The following ITGA1 variants were observed in gnomAD, a reference collection of about 807,000 sequenced individuals.
The protein encoded by ITGA1 is integrin alpha-1.
In ITGA1, 85 loss-of-function variants were observed where a neutral mutation model predicts 145.9. The ratio of observed to expected loss-of-function variants is 0.58; its 90% CI spans 0.49 to 0.70. The LOEUF (loss-of-function observed/expected upper bound fraction) is 0.70. Ranked by LOEUF, ITGA1 falls within the 30% of genes least tolerant of loss-of-function variation. The pLI, the probability that ITGA1 is intolerant of heterozygous loss-of-function variation, is 0.00. For missense variants in ITGA1, 1,351 were observed against 1,418.7 expected, an observed-to-expected ratio of 0.95 and a Z score of 0.77; for synonymous variants, 520 against 495.3, an observed-to-expected ratio of 1.05 and a Z score of -0.66.
intron 26 of ITGA1, among the ~76,000 whole-genome samples, chr5:52,943,493 C>A (rs1751083666): frequency 6.6e-6 from 1 of 152,168 alleles, no homozygotes; most frequent in African/African-American, 2.4e-5. Flanking sequence ...GGGTAATGGG[C>A]AGTAGATAGG....
intron 26 of ITGA1, among the ~76,000 whole-genome samples, chr5:52,943,870 CAG>C (rs1751088634): frequency 6.6e-6 from 1 of 152,198 alleles, no homozygotes; most frequent in African/African-American, 2.4e-5. Flanking sequence ...CCCCGCAGCT[CAG>C]AGTCAGGCTC....
chr5:52,907,997 A>C, intron 12 of ITGA1, among the ~76,000 whole-genome samples: 1 of 152,220 alleles, frequency 6.6e-6, no homozygotes, highest in East Asian at 1.9e-4. Context: ...GGAAGACAGA[A>C]TGATGTTTGC....
rs541114702 is a variant in ITGA1 at position 52,923,439 on chromosome 5, T to G, written c.2403+552T>G. 3.2e-4 allele frequency among the ~76,000 whole-genome samples: 48 copies of G among 151,696 alleles called. No individual in the cohort carries two copies. In the South Asian group the frequency reaches 9.5e-3, roughly 30 times the overall value. On this transcript the variant is annotated intron_variant, in intron 18 of 28. Transcript: ENST00000282588. ...ATAAATAGACTAGAAAAAAAAAAAC[T>G]GTTTAAGAAAAAATAATGCACTTTC...
chr5:52,904,776 C>A (rs967932140), intron 11 of ITGA1: 2 of 151,532 alleles, frequency 1.3e-5, no homozygotes, highest in African/African-American at 2.4e-5. Context: ...TGGCGTGAAC[C>A]CGGGAGGCGG....
chr5:52,870,190 G>GTTTGTTTGTTTGTTTTTAGT (rs1223771059), intron 6 of ITGA1, among the ~76,000 whole-genome samples: 3 of 152,056 alleles, frequency 2.0e-5, no homozygotes, highest in African/African-American at 7.2e-5. Flanking sequence ...CATTTGATTT[G>GTTTGTTTGTTTGTTTTTAGT]TTTGTTTGTT....
At chr5:52,805,066 A>G (rs545557101) in intron 1 of ITGA1, among the ~76,000 whole-genome samples, 2 of 152,162 alleles carry the variant, frequency 1.3e-5, no homozygotes, top group African/African-American at 2.4e-5. Flanking sequence ...TAACTTGTAC[A>G]AAGTGTGTAA....
chr5:52,845,230 G>C (rs1749314007), intron 1 of ITGA1, among the ~76,000 whole-genome samples: 1 of 152,144 alleles, frequency 6.6e-6, no homozygotes, highest in South Asian at 2.1e-4. Context: ...ATGATGACAT[G>C]CTAGAAAAAT....
chr5:52,927,168 G>T (rs1382447724), intron 19 of ITGA1, among the ~76,000 whole-genome samples: 2 of 152,148 alleles, frequency 1.3e-5, no homozygotes, highest in Non-Finnish European at 2.9e-5. Context: ...TGCAGTCAGG[G>T]TTTAAATTCT....
intron 26 of ITGA1, among the ~76,000 whole-genome samples, chr5:52,944,690 A>G (rs1377790212): frequency 6.6e-6 from 1 of 152,214 alleles, no homozygotes; most frequent in Non-Finnish European, 1.5e-5. Context: ...CTAATGATAA[A>G]TCAATACAAA....
intron 1 of ITGA1, among the ~76,000 whole-genome samples, chr5:52,841,083 T>C (rs1749247482): frequency 6.6e-6 from 1 of 152,240 alleles, no homozygotes; most frequent in South Asian, 2.1e-4. Context: ...TGGAAAATGC[T>C]TAAATACTGA....
At position 52,954,972 on chromosome 5, in the gene ITGA1, AG is replaced by A. The variant is rs1751281331; in HGVS notation, c.*2523del. 1 of 152,222 alleles carries A rather than the reference AG, an allele frequency of 6.6e-6. No homozygotes were observed. The highest frequency in any genetic ancestry group is 2.4e-5 in the African/African-American group (1 of 41,478). The allele number at this position is 152,222 out of a possible 1,614,324, so 9.4% of individuals were successfully genotyped here. ...TTTTAAAACATTTAATTAGAAAAACAGGTGATATTTAAGACTATTTATAAAC... is the reference window on the plus strand; with the variant it reads ...TTTTAAAACATTTAATTAGAAAAACAGTGATATTTAAGACTATTTATAAAC... On this transcript the variant is annotated 3_prime_UTR_variant, in exon 29 of 29. Transcript: ENST00000282588.
In ITGA1 at chr5:52,865,827, T is replaced by C. The variant is rs1008419348; in HGVS notation, c.624+10T>C. ...TCCTAAACAGACACAGGTATGTGAC[T>C]TTGTGTTTTGATTTCTGTTGTTCTA... On this transcript the variant is annotated intron_variant, in intron 6 of 28. Transcript: ENST00000282588. 16 of 1,558,290 alleles carry C rather than the reference T, an allele frequency of 1.0e-5. No individual in the cohort carries two copies. The highest frequency in any genetic ancestry group is 1.3e-5 in the Non-Finnish European group (15 of 1,160,462).
At chr5:52,793,714 T>C (rs1748285915) in intron 1 of ITGA1, among the ~76,000 whole-genome samples, 1 of 152,034 alleles carries the variant, frequency 6.6e-6, no homozygotes, top group Non-Finnish European at 1.5e-5. Flanking sequence ...TCAGTTCTCT[T>C]CAAGTGCCAA....
intron 2 of ITGA1, among the ~76,000 whole-genome samples, chr5:52,856,033 G>T (rs1205136368): frequency 6.6e-6 from 1 of 152,146 alleles, no homozygotes; most frequent in Non-Finnish European, 1.5e-5. Flanking sequence ...GGTTGAGATT[G>T]CTGTATCAGG....
chr5:52,942,356 T>C (rs893636340), intron 26 of ITGA1, among the ~76,000 whole-genome samples: 4 of 152,208 alleles, frequency 2.6e-5, no homozygotes, highest in African/African-American at 9.6e-5. Context: ...AATCTATACA[T>C]TGCTTTGGGC....
At chr5:52,919,296 G>A (rs1750697399) in intron 16 of ITGA1, among the ~76,000 whole-genome samples, 1 of 152,048 alleles carries the variant, frequency 6.6e-6, no homozygotes, top group Non-Finnish European at 1.5e-5. Flanking sequence ...GCCCCCTCTT[G>A]GGAAAGACTG....
intron 23 of ITGA1, among the ~76,000 whole-genome samples, chr5:52,936,909 A>G (rs1750972977): frequency 6.6e-6 from 1 of 152,132 alleles, no homozygotes; most frequent in Non-Finnish European, 1.5e-5. Context: ...TTTCCTGTAT[A>G]GTGGTGGCAG....
At chr5:52,929,133 A>C (rs552064621) in intron 20 of ITGA1, among the ~76,000 whole-genome samples, 65 of 152,170 alleles carry the variant, frequency 4.3e-4, no homozygotes, top group Non-Finnish European at 6.5e-4. Flanking sequence ...TATTTCTCAC[A>C]GTTCTGGAAG....
chr5:52,812,285 C>A (rs943598667), intron 1 of ITGA1, among the ~76,000 whole-genome samples: 6 of 152,112 alleles, frequency 3.9e-5, no homozygotes, highest in Non-Finnish European at 8.8e-5. Context: ...TTTATTGATG[C>A]CATTTACATG....
Sources: allele counts gnomAD v4.1 joint callset (sites outside exome capture counted in the v4.1 genomes callset), GRCh38; gene constraint gnomAD v4.1.1; transcripts MANE v1.5; gene names NCBI Gene and HGNC (gene_info 2026-07-23, HGNC 2026-07-21).